Variants in GYG1 observed in about 807,000 individuals in gnomAD.
The protein encoded by GYG1 is glycogenin-1.
In GYG1, 44 loss-of-function variants were observed where a neutral mutation model predicts 41.9. The ratio of observed to expected loss-of-function variants is 1.05; its 90% CI spans 0.83 to 1.35. GYG1 has a LOEUF of 1.35. GYG1 is among the 40% of genes most tolerant of loss of function. The pLI is 0.00. For missense variants in GYG1, 429 were observed against 418.9 expected, an observed-to-expected ratio of 1.02 and a Z score of -0.21; for synonymous variants, 141 against 158.1, an observed-to-expected ratio of 0.89 and a Z score of 0.81.
rs1714772718 is a variant in GYG1 at position 149,028,585 on chromosome 3, A to AT, written c.*1657dup. On this transcript the variant is annotated 3_prime_UTR_variant, in exon 8 of 8. Coordinates refer to ENST00000345003, the MANE Select transcript of GYG1 (RefSeq NM_004130.4). ...ACAGTCTTCAGATATAAAATGTCTT[A>AT]TTTTTGTGGCCATTCAGTTGCATTC... Among the ~76,000 whole-genome samples the AT allele has an allele frequency of 6.6e-6, 1 of 151,072 alleles. No individual in the cohort carries two copies. Among genetic ancestry groups the AT allele is most frequent in the Non-Finnish European group, 1.5e-5 (1 of 67,850 alleles).
Position 149,029,653 on chromosome 3 carries a change from T to A in GYG1, c.*2720T>A, listed in dbSNP as rs551660139. Among the ~76,000 whole-genome samples the A allele has an allele frequency of 1.3e-4, 20 of 152,274 alleles. No individual in the cohort carries two copies. The highest frequency in any genetic ancestry group is 4.1e-4 in the African/African-American group (17 of 41,546). ...ATGCTAATGCATAAACCTTGACAAG[T>A]AGTATAAATAAAACAAGAAAAAAAT... On this transcript the variant is annotated 3_prime_UTR_variant, in exon 8 of 8. Transcript: ENST00000345003.
chr3:149,009,599 C>T (rs1364647453), intron 5 of GYG1, among the ~76,000 whole-genome samples, 197 bp downstream of exon 5: 1 of 152,126 alleles, frequency 6.6e-6, no homozygotes, highest in Non-Finnish European at 1.5e-5. Flanking sequence ...ACCCTAGGGT[C>T]CTTAGTTGCC....
chr3:148,997,219 G>A (rs907882973), intron 4 of GYG1, among the ~76,000 whole-genome samples: 5 of 152,168 alleles, frequency 3.3e-5, no homozygotes, highest in Non-Finnish European at 7.4e-5. Context: ...TCAAAAGACT[G>A]AAAAACTTTA....
At chr3:149,005,336 A>G (rs957660081) in intron 4 of GYG1, among the ~76,000 whole-genome samples, 3 of 152,182 alleles carry the variant, frequency 2.0e-5, no homozygotes, top group Non-Finnish European at 4.4e-5. Flanking sequence ...AGGAACATCT[A>G]TTACACCAAT....
chr3:149,022,220 C>T (rs1489946356), intron 5 of GYG1, among the ~76,000 whole-genome samples: 1 of 152,146 alleles, frequency 6.6e-6, no homozygotes, highest in African/African-American at 2.4e-5. Context: ...ACATAGATTT[C>T]CTGCCAGCTA....
intron 5 of GYG1, among the ~76,000 whole-genome samples, chr3:149,017,589 T>TG: frequency 1.1e-5 from 1 of 89,242 alleles, no homozygotes; most frequent in Non-Finnish European, 2.1e-5. Flanking sequence ...TAGGTTTTTT[T>TG]TTTTTTTTTT....
intron 2 of GYG1, 31 bp downstream of exon 2, chr3:148,994,308 A>T (rs1352561577): frequency 6.2e-7 from 1 of 1,611,716 alleles, no homozygotes; most frequent in Non-Finnish European, 8.5e-7. Flanking sequence ...CCAGCATCCA[A>T]GGGGCTCTGA....
intron 5 of GYG1, among the ~76,000 whole-genome samples, chr3:149,019,065 T>C (rs1714219715): frequency 7.9e-6 from 1 of 126,608 alleles, no homozygotes. Context: ...TGAGACACTG[T>C]CTTAAAAAAA....
intron 5 of GYG1, among the ~76,000 whole-genome samples, chr3:149,015,051 A>G (rs1713941863): frequency 6.6e-6 from 1 of 152,168 alleles, no homozygotes. Flanking sequence ...TGGAAAAATC[A>G]GGTATTTGGT....
chr3:149,017,504 A>G (rs1714114075), intron 5 of GYG1, among the ~76,000 whole-genome samples: 1 of 148,614 alleles, frequency 6.7e-6, no homozygotes. Flanking sequence ...GTTCAACGCT[A>G]TCTTCTGACA....
At chr3:149,019,398 A>G (rs1714251890) in intron 5 of GYG1, among the ~76,000 whole-genome samples, 1 of 152,026 alleles carries the variant, frequency 6.6e-6, no homozygotes, top group Non-Finnish European at 1.5e-5. Context: ...ACTGCCCTCC[A>G]CAGTCCTGCT....
chr3:149,019,740 A>C (rs1714268000), intron 5 of GYG1, among the ~76,000 whole-genome samples: 1 of 152,266 alleles, frequency 6.6e-6, no homozygotes, highest in African/African-American at 2.4e-5. Context: ...TCAGTGCCTG[A>C]GTCACAGTGA....
rs567624963 is a variant in GYG1 at position 149,029,103 on chromosome 3, A to G, written c.*2170A>G. 1.3e-5 allele frequency among the ~76,000 whole-genome samples: 2 copies of G among 152,368 alleles called. No homozygotes were observed. The highest frequency in any genetic ancestry group is 4.1e-4 in the South Asian group (2 of 4,832). ...ACAAGCTTACCATAAGACATAGCAT[A>G]TAATGCTGTCAAGTTATTTGGCTAG... On this transcript the variant is annotated 3_prime_UTR_variant, in exon 8 of 8. Transcript: ENST00000345003.
intron 4 of GYG1, among the ~76,000 whole-genome samples, chr3:149,002,381 C>T (rs1713140763): frequency 6.6e-6 from 1 of 152,066 alleles, no homozygotes; most frequent in Admixed American, 6.5e-5. Flanking sequence ...ACATTTAAGC[C>T]AAGAATAAAT....
At chr3:148,995,338 A>G (rs543889089) in intron 2 of GYG1, among the ~76,000 whole-genome samples, 20 of 152,220 alleles carry the variant, frequency 1.3e-4, no homozygotes, top group Non-Finnish European at 2.8e-4. Flanking sequence ...CTGGCCCTCT[A>G]AGAAATTGAA....
chr3:149,017,424 A>G (rs1394325014), intron 5 of GYG1, among the ~76,000 whole-genome samples: 1 of 149,976 alleles, frequency 6.7e-6, no homozygotes, highest in African/African-American at 2.5e-5. Context: ...ATTCCTGGCT[A>G]GTAGTTTAGT....
At chr3:149,014,921 C>T (rs1002269659) in intron 5 of GYG1, among the ~76,000 whole-genome samples, 19 of 151,230 alleles carry the variant, frequency 1.3e-4, no homozygotes, top group African/African-American at 3.9e-4. Context: ...TCTGTGGGCC[C>T]CAGACTGTAT....
In GYG1 at chr3:149,010,670, T is replaced by A. The variant is rs557319159; in HGVS notation, c.608+1268T>A. ...CACCTTACAACTAATACAGCCTTGC[T>A]GCACTGTTTATCTCACTGTTAGGGA... On this transcript the variant is annotated intron_variant, in intron 5 of 7. Coordinates refer to ENST00000345003, the MANE Select transcript of GYG1 (RefSeq NM_004130.4). Among the ~76,000 whole-genome samples the A allele has an allele frequency of 3.9e-5, 6 of 152,324 alleles. No individual in the cohort carries two copies. In the East Asian group the frequency reaches 1.2e-3, roughly 29 times the overall value.
At chr3:148,991,925 G>A (rs890586281) in intron 1 of GYG1, among the ~76,000 whole-genome samples, 1 of 152,190 alleles carries the variant, frequency 6.6e-6, no homozygotes, top group Non-Finnish European at 1.5e-5. Flanking sequence ...TTGCTCTCAC[G>A]GCGAAGGGCC....
Sources: gnomAD v4.1 joint callset for allele counts (sites outside exome capture counted in the v4.1 genomes callset) on GRCh38, gnomAD v4.1.1 for gene constraint, MANE v1.5 for transcripts, NCBI Gene and HGNC (gene_info 2026-07-23, HGNC 2026-07-21) for gene names.